The following ODF1 variants were observed in gnomAD, a reference collection of about 807,000 sequenced individuals.
ODF1 encodes the protein outer dense fiber protein 1.
In ODF1, 10 loss-of-function variants were observed where a neutral mutation model predicts 24.0. The ratio of observed to expected loss-of-function variants is 0.42; its 90% CI spans 0.26 to 0.71. The LOEUF (loss-of-function observed/expected upper bound fraction) is 0.71, where lower values mean the gene tolerates loss of function less well. Ranked by LOEUF, ODF1 falls within the 30% of genes least tolerant of loss-of-function variation. The pLI, the probability that ODF1 is intolerant of heterozygous loss-of-function variation, is 0.28. For synonymous variants in ODF1, 118 were observed against 121.3 expected (o/e 0.97, Z 0.18); for missense variants, 282 against 307.9 (o/e 0.92, Z 0.63).
chr8:102,560,310 A>G (rs1826163245), intron 1 of ODF1, 142 bp from the exon 2 acceptor site: 2 of 746,294 alleles, frequency 2.7e-6, no homozygotes, highest in Admixed American at 2.7e-5. Flanking sequence ...TACTTCATGC[A>G]TTTGTGTAAA....
chr8:102,557,777 G>A (rs1826128985), intron 1 of ODF1, among the ~76,000 whole-genome samples: 1 of 152,252 alleles, frequency 6.6e-6, no homozygotes, highest in Non-Finnish European at 1.5e-5. Context: ...TCTCATATGA[G>A]AAGATCTGAG....
chr8:102,560,880 T>C lies in ODF1; in HGVS notation c.749T>C (p.Leu250Ser). ...GSRFSCRKMI[L>S] ...CGATTTTCCTGTAGGAAGATGATTT[T>C]GTAAAGTGCGCATAGGAACCCATTA... Residue 250 changes from leucine to serine, a missense_variant, in exon 2 of 2, where the codon TTG (leucine) becomes TCG (serine). Coordinates refer to ENST00000285402, the MANE Select transcript of ODF1 (RefSeq NM_024410.4). The C allele has an allele frequency of 6.2e-7, 1 of 1,607,988 alleles. No homozygotes were observed.
At chr8:102,555,684 G>A (rs545578422) in intron 1 of ODF1, among the ~76,000 whole-genome samples, 47 of 152,282 alleles carry the variant, frequency 3.1e-4, no homozygotes, top group African/African-American at 1.1e-3. Flanking sequence ...CCAGGTCTAA[G>A]CCCTCAGAGA....
rs62523273 is a variant in ODF1, at chr8:102,560,809, G to A, written c.678G>A (p.Pro226=). 5 of 858,044 alleles carry A rather than the reference G, an allele frequency of 5.8e-6. No homozygotes were observed. Among genetic ancestry groups the A allele is most frequent in the Non-Finnish European group, 7.6e-6 (5 of 653,884 alleles). The allele number at this position is 858,044 out of a possible 1,614,324, so 53.2% of individuals were successfully genotyped here. ...SPCNPCSPCN[P]CSPYDPCNPC... Reference sequence around the variant, plus strand: ...GCAACCCCTGCAGCCCCTGCAACCCGTGCAGCCCATATGATCCTTGCAACC... The same window carrying A: ...GCAACCCCTGCAGCCCCTGCAACCCATGCAGCCCATATGATCCTTGCAACC... The change falls in exon 2 of 2, where the codon CCG becomes CCA. Residue 226 remains proline (P), a synonymous_variant. Coordinates refer to ENST00000285402, the MANE Select transcript of ODF1 (RefSeq NM_024410.4).
Position 102,551,910 on chromosome 8 carries a change from A to T in ODF1, c.183A>T (p.Arg61=). The T allele has an allele frequency of 6.2e-7, 1 of 1,614,162 alleles. No homozygotes were observed. Among genetic ancestry groups the T allele is most frequent in the South Asian group, 1.1e-5 (1 of 91,080 alleles). Residue 61 remains arginine (R), a synonymous_variant, in exon 1 of 2, where the codon CGA becomes CGT. Coordinates refer to ENST00000285402, the MANE Select transcript of ODF1 (RefSeq NM_024410.4). ...PYPYCLCYSK[R]SRSCGLCDLY... is the part of the protein sequence containing the mutation. ...CGTACTGCTTGTGCTATTCCAAGCGATCACGCTCTTGCGGCCTGTGTGATC... is the reference window on the plus strand; with the variant it reads ...CGTACTGCTTGTGCTATTCCAAGCGTTCACGCTCTTGCGGCCTGTGTGATC...
intron 1 of ODF1, among the ~76,000 whole-genome samples, chr8:102,555,963 TATG>T (rs1286876403): frequency 6.6e-5 from 10 of 152,192 alleles, no homozygotes; most frequent in African/African-American, 2.4e-4. Context: ...AATGCATTGG[TATG>T]ATTTGGTTTG....
At chr8:102,560,085 G>A (rs1826158657) in intron 1 of ODF1, among the ~76,000 whole-genome samples, 1 of 151,116 alleles carries the variant, frequency 6.6e-6, no homozygotes, top group South Asian at 2.1e-4. Flanking sequence ...TATGATGCAG[G>A]CATTATTATT....
At chr8:102,556,751 G>A (rs1826116731) in intron 1 of ODF1, among the ~76,000 whole-genome samples, 1 of 152,146 alleles carries the variant, frequency 6.6e-6, no homozygotes, top group Non-Finnish European at 1.5e-5. Flanking sequence ...TGGAAAATAA[G>A]AGAAAAGGAG....
chr8:102,553,001 TAGATAGATAGATAGATGATA>T (rs1009100182), intron 1 of ODF1, among the ~76,000 whole-genome samples: 3 of 80,324 alleles, frequency 3.7e-5, no homozygotes, highest in African/African-American at 9.7e-5. Context: ...GATAGATAGA[TAGATAGATAGATAGATGATA>T]GATAGATAGA....
At chr8:102,556,963 A>G (rs1438948821) in intron 1 of ODF1, among the ~76,000 whole-genome samples, 1 of 152,064 alleles carries the variant, frequency 6.6e-6, no homozygotes, top group Non-Finnish European at 1.5e-5. Flanking sequence ...GTTAAATCTG[A>G]TTTTTATCTT....
chr8:102,557,590 G>A (rs1046791004), intron 1 of ODF1, among the ~76,000 whole-genome samples: 1 of 152,220 alleles, frequency 6.6e-6, no homozygotes, highest in Non-Finnish European at 1.5e-5. Context: ...GAATCTGGGC[G>A]CTGACTTGGG....
Position 102,560,662 on chromosome 8 carries a change from G to A in ODF1, c.531G>A (p.Leu177=), listed in dbSNP as rs1164998815. The change falls in exon 2 of 2, where the codon TTG becomes TTA. Residue 177 remains leucine (L), a synonymous_variant. Transcript: ENST00000285402. ...SYMNICKEFS[L]PPCVDEKDVT... ...TGAACATCTGCAAAGAGTTCAGCTT[G>A]CCGCCCTGTGTGGATGAGAAGGATG... is the stretch of plus-strand genomic sequence containing the variant. The A allele has an allele frequency of 1.2e-6, 2 of 1,614,248 alleles. No individual in the cohort carries two copies. The highest frequency in any genetic ancestry group is 2.2e-5 in the South Asian group (2 of 91,090).
Position 102,551,725 on chromosome 8 carries a change from AT to A in ODF1, c.-2del. On this transcript the variant is annotated 5_prime_UTR_variant, in exon 1 of 2. Coordinates refer to ENST00000285402, the MANE Select transcript of ODF1 (RefSeq NM_024410.4). ...ACTCACAGAACAATCAGGTGTGACC[AT>A]AATGGCTGCACTGAGTTGTCTCTTG... 2 of 1,582,274 alleles carry A rather than the reference AT, an allele frequency of 1.3e-6. No individual in the cohort carries two copies. The highest frequency in any genetic ancestry group is 2.3e-5 in the South Asian group (2 of 86,406).
intron 1 of ODF1, among the ~76,000 whole-genome samples, chr8:102,559,841 G>A (rs1210150354): frequency 2.0e-5 from 3 of 151,480 alleles, no homozygotes; most frequent in Non-Finnish European, 4.4e-5. Context: ...GGCTGGGTTC[G>A]AAAGCTGACA....
In ODF1 at chr8:102,560,436, C is replaced by G. The variant is rs1426777270; in HGVS notation, c.321-16C>G. 1 of 1,610,406 alleles carries G rather than the reference C, an allele frequency of 6.2e-7. No homozygotes were observed. The highest frequency in any genetic ancestry group is 1.1e-5 in the South Asian group (1 of 90,834). On this transcript the variant is annotated splice_polypyrimidine_tract_variant and intron_variant, in intron 1 of 1. Transcript: ENST00000285402. Reference sequence around the variant, plus strand: ...GTCTGAGCTCCCTCCCACCCTATCCCTTTTCTCAATTCCAGACTGAGAAGA... The same window carrying G: ...GTCTGAGCTCCCTCCCACCCTATCCGTTTTCTCAATTCCAGACTGAGAAGA...
In ODF1 at chr8:102,560,612, C is replaced by T. The variant is rs1826167149; in HGVS notation, c.481C>T (p.Leu161Phe). The change falls in exon 2 of 2, where the codon CTT (leucine) becomes TTT (phenylalanine). Residue 161 changes from leucine (L) to phenylalanine (F), a missense_variant. Transcript: ENST00000285402. ...SAERENRYDC[L>F]GSKKYSYMNI... ...TGAGCGGGAGAACAGGTACGACTGC[C>T]TTGGATCGAAAAAGTACAGCTACAT... 5.6e-6 allele frequency: 9 copies of T among 1,614,160 alleles called. No homozygotes were observed. The highest frequency in any genetic ancestry group is 7.6e-6 in the Non-Finnish European group (9 of 1,180,018).
At chr8:102,560,423 TC>T in intron 1 of ODF1, 28 bp from the exon 2 acceptor site, 1 of 1,524,170 alleles carries the variant, frequency 6.6e-7, no homozygotes. Context: ...CTGAGCTCCC[TC>T]CCACCCTATC....
rs771108173 is a variant in ODF1 at position 102,560,835 on chromosome 8, C to T, written c.704C>T (p.Pro235Leu). The change falls in exon 2 of 2, where the codon CCG becomes CTG. Residue 235 changes from proline to leucine, a missense_variant. Pro to Leu is a moderately conservative substitution (Grantham distance 98, BLOSUM62 -3). Coordinates refer to ENST00000285402, the MANE Select transcript of ODF1 (RefSeq NM_024410.4). Reference protein sequence around the residue: ...NPCSPYDPCNPCYPCGSRFSC... With the variant: ...NPCSPYDPCNLCYPCGSRFSC... ...TGCAGCCCATATGATCCTTGCAACC[C>T]GTGTTATCCCTGTGGAAGCCGATTT... 1.1e-5 allele frequency: 18 copies of T among 1,613,422 alleles called. No individual in the cohort carries two copies. In the African/African-American group the frequency reaches 1.9e-4, roughly 17 times the overall value.
chr8:102,559,179 T>A (rs1215617834), intron 1 of ODF1, among the ~76,000 whole-genome samples: 1 of 151,440 alleles, frequency 6.6e-6, no homozygotes, highest in Non-Finnish European at 1.5e-5. Flanking sequence ...ATTGTCCCAG[T>A]TTTACAGATG....
Sources: allele counts gnomAD v4.1 joint callset (sites outside exome capture counted in the v4.1 genomes callset), GRCh38; gene constraint gnomAD v4.1.1; transcripts MANE v1.5; gene names NCBI Gene and HGNC (gene_info 2026-07-23, HGNC 2026-07-21).